Variants in DIP2C observed in about 807,000 individuals in gnomAD.
The protein encoded by DIP2C is disco-interacting protein 2 homolog C.
A neutral mutation model predicts 192.4 loss-of-function variants in DIP2C; 33 were observed. The observed-to-expected ratio is 0.17, with a 90% CI of 0.13 to 0.23. The LOEUF (loss-of-function observed/expected upper bound fraction) is 0.23. DIP2C is among the 10% of genes least tolerant of loss of function. DIP2C has a pLI of 1.00. For missense variants in DIP2C, 1,537 were observed against 2,110.1 expected, an observed-to-expected ratio of 0.73 and a Z score of 5.32; for synonymous variants, 979 against 864.1, an observed-to-expected ratio of 1.13 and a Z score of -2.33.
chr10:569,585 T>A (rs1030614101), intron 1 of DIP2C, among the ~76,000 whole-genome samples: 2 of 150,942 alleles, frequency 1.3e-5, no homozygotes, highest in African/African-American at 4.9e-5. Flanking sequence ...ATGATACTCA[T>A]TTGTTTTATA....
intron 2 of DIP2C, among the ~76,000 whole-genome samples, chr10:485,157 C>T (rs993550683): frequency 6.6e-6 from 1 of 152,234 alleles, no homozygotes; most frequent in East Asian, 1.9e-4. Flanking sequence ...AAGCGAGGAA[C>T]CGCTTCTGTT....
At chr10:367,416 GAAAA>G (rs1194728801) in intron 18 of DIP2C, among the ~76,000 whole-genome samples, 1 of 109,286 alleles carries the variant, frequency 9.2e-6, no homozygotes, top group African/African-American at 3.3e-5. Context: ...CTCCGTCTCA[GAAAA>G]AAAAAAAAAA....
intron 1 of DIP2C, chr10:662,773 T>C (rs1856838582): frequency 1.5e-6 from 1 of 684,956 alleles, no homozygotes; most frequent in South Asian, 1.6e-5. Context: ...TTCTCTTGTG[T>C]TGCCTATTCT....
intron 1 of DIP2C, among the ~76,000 whole-genome samples, chr10:643,646 C>T (rs1187800807): frequency 6.6e-6 from 1 of 152,244 alleles, no homozygotes; most frequent in Non-Finnish European, 1.5e-5. Flanking sequence ...GATGTCACTA[C>T]TCGAATCACA....
chr10:569,042 CCTGCT>C (rs1291174048), intron 1 of DIP2C, among the ~76,000 whole-genome samples: 1 of 152,168 alleles, frequency 6.6e-6, no homozygotes, highest in Non-Finnish European at 1.5e-5. Flanking sequence ...GAAGTGGGCT[CCTGCT>C]CACTGCATGG....
At chr10:336,810 C>T (rs977674193) in intron 29 of DIP2C, among the ~76,000 whole-genome samples, 3 of 151,268 alleles carry the variant, frequency 2.0e-5, no homozygotes, top group Non-Finnish European at 4.4e-5. Context: ...AACACCCTGG[C>T]CCTGTGGAGG....
intron 1 of DIP2C, among the ~76,000 whole-genome samples, chr10:543,536 T>C (rs1451517898): frequency 6.6e-6 from 1 of 152,232 alleles, no homozygotes; most frequent in Non-Finnish European, 1.5e-5. Context: ...TTTCCCTGAA[T>C]ACGGTTGTTA....
chr10:480,710 AT>A (rs1477310572), intron 2 of DIP2C, among the ~76,000 whole-genome samples: 1 of 152,218 alleles, frequency 6.6e-6, no homozygotes, highest in African/African-American at 2.4e-5. Flanking sequence ...AATGCGATTC[AT>A]TAAATGTTGC....
At chr10:415,726 A>AT in intron 7 of DIP2C, 43 bp downstream of exon 7, 1 of 1,610,796 alleles carries the variant, frequency 6.2e-7, no homozygotes, top group Non-Finnish European at 8.5e-7. Flanking sequence ...TTACGGGACC[A>AT]TAGGAGCATC....
Position 323,931 on chromosome 10 carries a change from T to A in DIP2C, c.3924+3075A>T, listed in dbSNP as rs1454593440. Reference sequence around the variant, plus strand: ...TCCACTCTGCTTGTTTCTATCACCATCAGGTTTTTTTAATTTTGCAGATTC... The same window carrying A: ...TCCACTCTGCTTGTTTCTATCACCAACAGGTTTTTTTAATTTTGCAGATTC... On this transcript the variant is annotated intron_variant, in intron 31 of 36. Coordinates refer to ENST00000280886, the MANE Select transcript of DIP2C (RefSeq NM_014974.3). Among the ~76,000 whole-genome samples, 4 of 152,210 alleles carry A rather than the reference T, an allele frequency of 2.6e-5. No individual in the cohort carries two copies. The South Asian group carries it at 8.3e-4, about 32-fold the overall frequency.
chr10:336,507 G>A (rs1957774985), intron 29 of DIP2C, among the ~76,000 whole-genome samples: 1 of 152,138 alleles, frequency 6.6e-6, no homozygotes, highest in Non-Finnish European at 1.5e-5. Flanking sequence ...AAGCCTACTT[G>A]GGCACGGTGG....
chr10:447,667 C>T (rs1330723958), intron 3 of DIP2C, among the ~76,000 whole-genome samples: 2 of 122,234 alleles, frequency 1.6e-5, no homozygotes, highest in Admixed American at 7.6e-5. Context: ...ACCCAATCAC[C>T]CCCATTGATA....
chr10:688,329 G>A (rs1434439764), intron 1 of DIP2C, among the ~76,000 whole-genome samples: 1 of 152,042 alleles, frequency 6.6e-6, no homozygotes, highest in Non-Finnish European at 1.5e-5. Flanking sequence ...ACCATTTCCC[G>A]TCCCCAGAAG....
intron 1 of DIP2C, among the ~76,000 whole-genome samples, chr10:560,743 C>T (rs561206732): frequency 2.8e-4 from 42 of 152,326 alleles, no homozygotes; most frequent in Middle Eastern, 3.4e-3. Flanking sequence ...GCCATCTCAA[C>T]AGCCCCTACT....
chr10:450,372 T>G (rs1968758949), intron 3 of DIP2C, among the ~76,000 whole-genome samples: 1 of 152,216 alleles, frequency 6.6e-6, no homozygotes, highest in Non-Finnish European at 1.5e-5. Flanking sequence ...CTTCTACAGA[T>G]TTAAGATGTT....
chr10:309,952 C>A, intron 32 of DIP2C, 79 bp downstream of exon 32: 1 of 1,384,166 alleles, frequency 7.2e-7, no homozygotes, highest in South Asian at 1.2e-5. Context: ...ACCTCTTCTT[C>A]TAGATGGAGA....
chr10:500,363 C>A (rs902004390), intron 1 of DIP2C, among the ~76,000 whole-genome samples: 2 of 152,254 alleles, frequency 1.3e-5, no homozygotes, highest in African/African-American at 4.8e-5. Context: ...GGTCCTGTGA[C>A]CCCACAAGTC....
chr10:336,553 CAACTTAATACTT>C (rs1957776903), intron 29 of DIP2C, among the ~76,000 whole-genome samples: 1 of 152,206 alleles, frequency 6.6e-6, no homozygotes, highest in African/African-American at 2.4e-5. Flanking sequence ...ATTATGTACA[CAACTTAATACTT>C]TAACCATGAT....
Position 415,815 on chromosome 10 carries a change from T to A in DIP2C, c.813A>T (p.Pro271=). The part of the protein sequence containing the change: ...LVNTLKRPKR[P]PLREFFVDDF... ...CATCGACAAAGAATTCTCGTAAAGG[T>A]GGTCGTTTCGGTCGTTTGAGGGTAT... Residue 271 remains proline, a synonymous_variant, in exon 7 of 37, where the codon CCA becomes CCT. Transcript: ENST00000280886. 6.2e-7 allele frequency: 1 copy of A among 1,613,924 alleles called. No homozygotes were observed. The highest frequency in any genetic ancestry group is 8.5e-7 in the Non-Finnish European group (1 of 1,180,002).
Sources: gnomAD v4.1 joint callset for allele counts (sites outside exome capture counted in the v4.1 genomes callset) on GRCh38, gnomAD v4.1.1 for gene constraint, MANE v1.5 for transcripts, NCBI Gene and HGNC (gene_info 2026-07-23, HGNC 2026-07-21) for gene names.